SLC1A6: variants seen among roughly 807,000 people sequenced by gnomAD.
SLC1A6 encodes the protein excitatory amino acid transporter 4.
In SLC1A6, 15 loss-of-function variants were observed where a neutral mutation model predicts 42.1. The observed-to-expected ratio is 0.36, with a 90% confidence interval of 0.24 to 0.55. The LOEUF is 0.55. SLC1A6 is among the 20% of genes least tolerant of loss of function. The probability of loss-of-function intolerance (pLI) is 0.88; values close to 1 mark genes in which losing one functional copy is unlikely to be tolerated. For missense variants in SLC1A6, 542 were observed against 772.5 expected, an observed-to-expected ratio of 0.70 and a Z score of 3.54; for synonymous variants, 317 against 319.7, an observed-to-expected ratio of 0.99 and a Z score of 0.09.
rs540546082 is a variant in SLC1A6 at position 14,999,036 on chromosome 19, C to T, written c.6+11449G>A. Among the ~76,000 whole-genome samples the T allele has an allele frequency of 2.1e-3, 324 of 152,108 alleles. 1 individual carries two copies. The highest frequency in any genetic ancestry group is 7.5e-3 in the African/African-American group (310 of 41,504). On this transcript the variant is annotated intron_variant, in intron 1 of 8. Coordinates refer to the SLC1A6 transcript ENST00000430939. ...GGGACTACAGGTGCCCGCCACCACACCTGGCTAATTTTTTTGTATTTTTAG... is the reference window on the plus strand; with the variant it reads ...GGGACTACAGGTGCCCGCCACCACATCTGGCTAATTTTTTTGTATTTTTAG...
At position 15,008,023 on chromosome 19, in the gene SLC1A6, C is replaced by A. The variant is rs370709745; in HGVS notation, c.6+2462G>T. On this transcript the variant is annotated intron_variant, in intron 1 of 8. Coordinates refer to the SLC1A6 transcript ENST00000430939. ...TTGGGAAACAAGATCAAAAGTCTGC[C>A]CCCCCCCCAAAAAAAAACCAACCAC... Among the ~76,000 whole-genome samples the A allele has an allele frequency of 7.8e-5, 9 of 116,044 alleles. No homozygotes were observed. The South Asian group carries it at 2.4e-3, about 31-fold the overall frequency. The allele number at this position is 116,044 out of a possible 152,430, so 76.1% of individuals were successfully genotyped here.
At chr19:14,954,904 A>G (rs1285499930) in intron 7 of SLC1A6, among the ~76,000 whole-genome samples, 1 of 152,122 alleles carries the variant, frequency 6.6e-6, no homozygotes, top group African/African-American at 2.4e-5. Flanking sequence ...TCCATTTCCA[A>G]AAAGGACAGG....
At chr19:15,006,760 CAAAAAA>C (rs58932066) in intron 1 of SLC1A6, among the ~76,000 whole-genome samples, 1 of 133,142 alleles carries the variant, frequency 7.5e-6, no homozygotes, top group African/African-American at 2.8e-5. Context: ...CCTGTCTCTA[CAAAAAA>C]AAAAAAAGAA....
rs774290113 is a variant in SLC1A6, at chr19:14,968,361, G to A, written c.490C>T (p.His164Tyr). 1.9e-6 allele frequency: 3 copies of A among 1,613,850 alleles called. No individual in the cohort carries two copies. Among genetic ancestry groups the A allele is most frequent in the Non-Finnish European group, 8.5e-7 (1 of 1,179,930 alleles). Residue 164 changes from histidine (H) to tyrosine (Y), a missense_variant, in exon 4 of 10, where the codon CAC (histidine) becomes TAC (tyrosine). Physicochemically the swap from His to Tyr is moderately conservative, Grantham distance 83 (BLOSUM62 2). Around this residue, in one of 6 missense-constraint regions of SLC1A6, gnomAD observed 298 missense variants for 419.4 expected, o/e 0.71. Transcript: ENST00000594383. Reference sequence around the variant, plus strand: ...ATGGTCTCGATCCGGCCCTCCCGGTGCAGCCCCTCCTTGGAGCCCTTCCCG... The same window carrying A: ...ATGGTCTCGATCCGGCCCTCCCGGTACAGCCCCTCCTTGGAGCCCTTCCCG... ...HPGKGSKEGL[H>Y]REGRIETIPT...
chr19:14,975,456 C>CA (rs1237973372), intron 1 of SLC1A6, among the ~76,000 whole-genome samples: 2 of 149,560 alleles, frequency 1.3e-5, no homozygotes, highest in Non-Finnish European at 3.0e-5. Context: ...AAAAGGGAAG[C>CA]AAAAAAAATG....
intron 1 of SLC1A6, among the ~76,000 whole-genome samples, chr19:15,004,471 G>A (rs1323265255): frequency 6.7e-6 from 1 of 148,764 alleles, no homozygotes; most frequent in Non-Finnish European, 1.5e-5. Flanking sequence ...AGAGGGTGAG[G>A]CAGGAGGATG....
upstream of SLC1A6, among the ~76,000 whole-genome samples, chr19:14,982,487 C>T (rs920783329): frequency 6.6e-6 from 1 of 152,178 alleles, no homozygotes; most frequent in East Asian, 1.9e-4. Flanking sequence ...CAAGGTCGTG[C>T]CACTGCACTC....
rs541918706 is a variant in SLC1A6, at chr19:14,991,418, A to G, written c.7-18501T>C. ...GGTGGATAGATCACTAGAGGTCAGG[A>G]GTTCAAGCCCCCTGGCCAGCATGGT... On this transcript the variant is annotated intron_variant, in intron 1 of 8. Coordinates refer to the SLC1A6 transcript ENST00000430939. Among the ~76,000 whole-genome samples, 4 of 152,274 alleles carry G rather than the reference A, an allele frequency of 2.6e-5. No homozygotes were observed. The South Asian group carries it at 8.3e-4, about 32-fold the overall frequency.
In SLC1A6 at chr19:14,962,326, G is replaced by A. The variant is rs996260256; in HGVS notation, c.611C>T (p.Thr204Met). ...CACCATGGTCCTGGTTACCACCCTCGTGCTGTACTGCGTCTTGAACTGAAA... is the reference window on the plus strand; with the variant it reads ...CACCATGGTCCTGGTTACCACCCTCATGCTGTACTGCGTCTTGAACTGAAA... ...CFKQFKTQYS[T>M]RVVTRTMVRT... is the part of the protein sequence containing the mutation. The change falls in exon 6 of 10, where the codon ACG becomes ATG. Residue 204 changes from threonine to methionine, a missense_variant. Physicochemically the swap from Thr to Met is moderately conservative, Grantham distance 81. Around this residue, in one of 6 missense-constraint regions of SLC1A6, gnomAD observed 298 missense variants for 419.4 expected, o/e 0.71. Coordinates refer to ENST00000594383, the MANE Select transcript of SLC1A6 (RefSeq NM_005071.3). 24 of 1,613,752 alleles carry A rather than the reference G, an allele frequency of 1.5e-5. No individual in the cohort carries two copies. The highest frequency in any genetic ancestry group is 2.2e-5 in the East Asian group (1 of 44,884).
intron 7 of SLC1A6, among the ~76,000 whole-genome samples, chr19:14,955,857 C>G (rs1436624772): frequency 6.6e-6 from 1 of 151,834 alleles, no homozygotes; most frequent in East Asian, 1.9e-4. Context: ...ATCACTTGAA[C>G]CTAAGAGGCG....
intron 6 of SLC1A6, 191 bp downstream of exon 6, chr19:14,961,811 G>T: frequency 1.3e-6 from 1 of 741,058 alleles, no homozygotes; most frequent in Non-Finnish European, 2.1e-6. Context: ...ATGAACAGAT[G>T]AACAAGGAAG....
chr19:14,994,620 C>G (rs957219755), intron 1 of SLC1A6, among the ~76,000 whole-genome samples: 16 of 152,278 alleles, frequency 1.1e-4, no homozygotes, highest in African/African-American at 3.8e-4. Context: ...AATGGGCTGC[C>G]TGCCTTGGAG....
At position 14,998,838 on chromosome 19, in the gene SLC1A6, T is replaced by C. The variant is rs188079730; in HGVS notation, c.6+11647A>G. ...AGAATTAACTGGGTCTAGAACCTTTTTAAGTCTGATAAGAAACATTTATTT... is the reference window on the plus strand; with the variant it reads ...AGAATTAACTGGGTCTAGAACCTTTCTAAGTCTGATAAGAAACATTTATTT... On this transcript the variant is annotated intron_variant, in intron 1 of 8. Coordinates refer to the SLC1A6 transcript ENST00000430939. 2.1e-3 allele frequency among the ~76,000 whole-genome samples: 312 copies of C among 149,736 alleles called. 2 individuals are homozygous for C. The highest frequency in any genetic ancestry group is 3.2e-3 in the Non-Finnish European group (219 of 67,588).
chr19:15,003,231 G>A (rs546340264), intron 1 of SLC1A6, among the ~76,000 whole-genome samples: 12 of 152,268 alleles, frequency 7.9e-5, no homozygotes, highest in Non-Finnish European at 1.6e-4. Flanking sequence ...GCCTACCTCA[G>A]CCTCCCAAAG....
chr19:14,971,499 C>T (rs2045639796), intron 3 of SLC1A6, among the ~76,000 whole-genome samples: 1 of 152,128 alleles, frequency 6.6e-6, no homozygotes, highest in African/African-American at 2.4e-5. Flanking sequence ...ATTTTACCTC[C>T]AAGGAAAAGG....
At position 14,962,022 on chromosome 19, in the gene SLC1A6, C is replaced by T; in HGVS notation, c.915G>A (p.Arg305=). 6.2e-7 allele frequency: 1 copy of T among 1,613,886 alleles called. No individual in the cohort carries two copies. Among genetic ancestry groups the T allele is most frequent in the Non-Finnish European group, 8.5e-7 (1 of 1,179,878 alleles). ...FFDSLNEAIM[R]LVGIIIWYAP... ...CTCACCAGATAATGATGCCCACCAG[C>T]CTCATAATAGCCTCATTGAGGCTGT... Residue 305 remains arginine (R), a synonymous_variant, in exon 6 of 10, where the codon AGG becomes AGA. Transcript: ENST00000594383.
upstream of SLC1A6, among the ~76,000 whole-genome samples, chr19:14,983,167 G>A (rs552334045): frequency 5.2e-4 from 79 of 152,254 alleles, 2 homozygotes; most frequent in Middle Eastern, 3.4e-3. Context: ...TGAGCTGCAC[G>A]GCGTGAACAT....
At chr19:15,005,385 T>G (rs2045891480) in intron 1 of SLC1A6, among the ~76,000 whole-genome samples, 1 of 152,060 alleles carries the variant, frequency 6.6e-6, no homozygotes, top group Non-Finnish European at 1.5e-5. Flanking sequence ...GGTGGGCATC[T>G]GTAATCCCAG....
chr19:14,951,144 C>T (rs1219998054), intron 9 of SLC1A6, among the ~76,000 whole-genome samples: 8 of 143,294 alleles, frequency 5.6e-5, no homozygotes, highest in South Asian at 2.3e-4. Context: ...CCCAGCTACT[C>T]GGGAGGCTGA....
Sources: gnomAD v4.1 joint callset for allele counts (sites outside exome capture counted in the v4.1 genomes callset) on GRCh38, gnomAD v4.1.1 for gene constraint, gnomAD v4.1.1 regional missense constraint, MANE v1.5 for transcripts, NCBI Gene and HGNC (gene_info 2026-07-23, HGNC 2026-07-21) for gene names.